The following SPON1 variants were observed in gnomAD, a reference collection of about 807,000 sequenced individuals.
The protein encoded by SPON1 is spondin-1.
In SPON1, 52 loss-of-function variants were observed where a neutral mutation model predicts 111.7. That is an observed-to-expected ratio of 0.47 (90% CI 0.37 to 0.59). The LOEUF (loss-of-function observed/expected upper bound fraction) is 0.59. SPON1 is among the 20% of genes least tolerant of loss of function. The probability of loss-of-function intolerance (pLI) is 0.00; values close to 1 mark genes in which losing one functional copy is unlikely to be tolerated. For missense variants in SPON1, 957 were observed against 1,068.5 expected (o/e 0.90, Z 1.46); for synonymous variants, 410 against 395.8 (o/e 1.04, Z -0.43).
At chr11:14,053,728 A>T (rs908065698) in intron 3 of SPON1, among the ~76,000 whole-genome samples, 2 of 152,332 alleles carry the variant, frequency 1.3e-5, no homozygotes, top group South Asian at 4.1e-4. Context: ...ATGACTCCAA[A>T]CAAGAGTAGA....
At chr11:14,230,511 G>A (rs545056012) in intron 6 of SPON1, among the ~76,000 whole-genome samples, 1 of 152,254 alleles carries the variant, frequency 6.6e-6, no homozygotes, top group Non-Finnish European at 1.5e-5. Context: ...ATTGTCAAGT[G>A]AAGAACTCAT....
rs529169002 is a variant in SPON1, at chr11:14,240,893, T to A, written c.826-2439T>A. Among the ~76,000 whole-genome samples, 4 of 152,278 alleles carry A rather than the reference T, an allele frequency of 2.6e-5. No individual in the cohort carries two copies. The East Asian group carries it at 7.7e-4, about 29-fold the overall frequency. The stretch of plus-strand genomic sequence containing the variant: ...CCTGGCTTGCCATAATTTGAAGATA[T>A]CCAACACTTTAAAAATCAAAAAAGA... On this transcript the variant is annotated intron_variant, in intron 6 of 15. Coordinates refer to ENST00000576479, the MANE Select transcript of SPON1 (RefSeq NM_006108.4).
intron 6 of SPON1, among the ~76,000 whole-genome samples, chr11:14,195,221 C>A (rs1554934944): frequency 6.6e-6 from 1 of 152,206 alleles, no homozygotes; most frequent in Admixed American, 6.5e-5. Context: ...ATGCAGAGTT[C>A]AGAAAATGGC....
intron 2 of SPON1, among the ~76,000 whole-genome samples, chr11:14,014,375 A>G (rs570082891): frequency 3.3e-4 from 50 of 152,376 alleles, no homozygotes; most frequent in African/African-American, 1.2e-3. Context: ...GTCAGAATGC[A>G]TCTTACAATT....
intron 1 of SPON1, 86 bp from the exon 2 acceptor site, chr11:13,982,761 C>T (rs563010880): frequency 4.7e-5 from 42 of 886,282 alleles, no homozygotes; most frequent in Middle Eastern, 2.2e-4. Context: ...TCTGGGATAT[C>T]GATGGAGAAC....
chr11:14,049,706 C>T lies in SPON1; in HGVS notation c.479+8052C>T, dbSNP rs150398092. Among the ~76,000 whole-genome samples, 154 of 152,300 alleles carry T rather than the reference C, an allele frequency of 1.0e-3. 1 individual carries two copies. The East Asian group carries it at 0.022, about 22-fold the overall frequency. The stretch of plus-strand genomic sequence containing the variant: ...ATCATGAACATACAAATTGGGTCCA[C>T]AGCCCTTCATCCACAAACTGAAATC... On this transcript the variant is annotated intron_variant, in intron 3 of 15. Coordinates refer to ENST00000576479, the MANE Select transcript of SPON1 (RefSeq NM_006108.4).
chr11:14,150,154 A>G (rs903266124), intron 6 of SPON1, among the ~76,000 whole-genome samples: 5 of 152,178 alleles, frequency 3.3e-5, no homozygotes, highest in African/African-American at 1.2e-4. Context: ...AAAGAATGAA[A>G]TGCCATCATT....
chr11:14,202,872 G>C (rs562827212), intron 6 of SPON1, among the ~76,000 whole-genome samples: 1 of 152,104 alleles, frequency 6.6e-6, no homozygotes, highest in Non-Finnish European at 1.5e-5. Context: ...GTCAAGCAGA[G>C]GTGCTGGCCC....
chr11:14,002,466 T>A (rs957738270), intron 2 of SPON1, among the ~76,000 whole-genome samples: 8 of 152,098 alleles, frequency 5.3e-5, no homozygotes, highest in African/African-American at 1.9e-4. Context: ...AACAAATGTT[T>A]TTCAAGTAGA....
intron 6 of SPON1, among the ~76,000 whole-genome samples, chr11:14,237,176 GAA>G (rs1282019376): frequency 6.6e-6 from 1 of 152,212 alleles, no homozygotes; most frequent in Non-Finnish European, 1.5e-5. Flanking sequence ...ACCCAGGCAT[GAA>G]AAAGTTACCT....
At position 14,080,314 on chromosome 11, in the gene SPON1, C is replaced by T. The variant is rs184698640; in HGVS notation, c.676+293C>T. On this transcript the variant is annotated intron_variant, in intron 5 of 15. Transcript: ENST00000576479. ...CACAATCTCGGCTCACTGCAACCTCCGCCTCCCGGGTTCAAGCAGTTCTCC... is the reference window on the plus strand; with the variant it reads ...CACAATCTCGGCTCACTGCAACCTCTGCCTCCCGGGTTCAAGCAGTTCTCC... Among the ~76,000 whole-genome samples, 256 of 152,056 alleles carry T rather than the reference C, an allele frequency of 1.7e-3. 4 individuals are homozygous for T. The highest frequency in any genetic ancestry group is 5.7e-3 in the African/African-American group (235 of 41,484).
In SPON1 at chr11:14,057,342, A is replaced by C. The variant is rs1055601877; in HGVS notation, c.479+15688A>C. On this transcript the variant is annotated intron_variant, in intron 3 of 15. Coordinates refer to ENST00000576479, the MANE Select transcript of SPON1 (RefSeq NM_006108.4). Reference sequence around the variant, plus strand: ...TCAGACAAGCTCAAATATTTTACAGAATAAATAACATGTAATCTTCAAGTT... The same window carrying C: ...TCAGACAAGCTCAAATATTTTACAGCATAAATAACATGTAATCTTCAAGTT... Among the ~76,000 whole-genome samples the C allele has an allele frequency of 8.5e-5, 13 of 152,346 alleles. 1 individual carries two copies. In the South Asian group the frequency reaches 2.7e-3, roughly 32 times the overall value.
At chr11:14,201,552 C>T (rs1848464374) in intron 6 of SPON1, among the ~76,000 whole-genome samples, 1 of 151,992 alleles carries the variant, frequency 6.6e-6, no homozygotes, top group Non-Finnish European at 1.5e-5. Flanking sequence ...GCCTCTGCCA[C>T]CACACCTGGC....
intron 6 of SPON1, among the ~76,000 whole-genome samples, chr11:14,170,109 T>G (rs7481616): frequency 0.57 from 86,637 of 151,948 alleles, 25,089 homozygotes; most frequent in East Asian, 0.65. Flanking sequence ...TCATGATATT[T>G]ATTCTTCCTA....
chr11:14,039,179 AAGAAC>A (rs1848615283), intron 2 of SPON1, among the ~76,000 whole-genome samples: 1 of 152,218 alleles, frequency 6.6e-6, no homozygotes, highest in Admixed American at 6.5e-5. Context: ...AGTGGTTGGG[AAGAAC>A]AAGGGATGAA....
chr11:14,242,284 C>T (rs1323743291), intron 6 of SPON1, among the ~76,000 whole-genome samples: 4 of 152,202 alleles, frequency 2.6e-5, no homozygotes, highest in African/African-American at 7.2e-5. Flanking sequence ...CTGCCAGGCA[C>T]GACTCTAAGG....
At chr11:13,968,675 C>A (rs1453465333) in intron 1 of SPON1, among the ~76,000 whole-genome samples, 1 of 152,148 alleles carries the variant, frequency 6.6e-6, no homozygotes, top group Non-Finnish European at 1.5e-5. Context: ...CTCCTCAGCA[C>A]CGTTACAGCC....
chr11:14,262,829 C>A lies in SPON1; in HGVS notation c.2114C>A (p.Pro705His). ...IQMEPQFGGA[P>H]CPETVQRKKC... ...ATGGAGCCTCAGTTTGGAGGTGCAC[C>A]CTGCCCAGAGACTGTGCAGCGAAAA... The change falls in exon 15 of 16, where the codon CCC (proline) becomes CAC (histidine). Residue 705 changes from proline to histidine, a missense_variant. Coordinates refer to ENST00000576479, the MANE Select transcript of SPON1 (RefSeq NM_006108.4). 1 of 1,613,734 alleles carries A rather than the reference C, an allele frequency of 6.2e-7. No individual in the cohort carries two copies. Among genetic ancestry groups the A allele is most frequent in the Non-Finnish European group, 8.5e-7 (1 of 1,179,844 alleles).
chr11:13,979,430 G>A (rs1309048785), intron 1 of SPON1, among the ~76,000 whole-genome samples: 2 of 152,132 alleles, frequency 1.3e-5, no homozygotes, highest in Non-Finnish European at 2.9e-5. Context: ...ATCTTAAACC[G>A]TAACACAAGC....
Sources: gnomAD v4.1 joint callset for allele counts (sites outside exome capture counted in the v4.1 genomes callset) on GRCh38, gnomAD v4.1.1 for gene constraint, MANE v1.5 for transcripts, NCBI Gene and HGNC (gene_info 2026-07-23, HGNC 2026-07-21) for gene names.